The following UNC13C variants were observed in gnomAD, a reference collection of about 807,000 sequenced individuals.
The protein encoded by UNC13C is protein unc-13 homolog C.
In UNC13C, 174 loss-of-function variants were observed where a neutral mutation model predicts 245.4. The ratio of observed to expected loss-of-function variants is 0.71; its 90% confidence interval spans 0.63 to 0.80. The LOEUF (loss-of-function observed/expected upper bound fraction) is 0.80, where lower values mean the gene tolerates loss of function less well. UNC13C is among the 30% of genes least tolerant of loss of function. UNC13C has a pLI of 0.00. For missense variants in UNC13C, 2,829 were observed against 2,602.9 expected (o/e 1.09, Z -1.89); for synonymous variants, 992 against 895.1 (o/e 1.11, Z -1.93).
chr15:54,292,271 A>G lies in UNC13C; in HGVS notation c.3819-1624A>G, dbSNP rs541323663. Among the ~76,000 whole-genome samples the G allele has an allele frequency of 3.9e-5, 6 of 152,094 alleles. No homozygotes were observed. In the East Asian group the frequency reaches 9.7e-4, roughly 24 times the overall value. On this transcript the variant is annotated intron_variant, in intron 10 of 32. Coordinates refer to ENST00000260323, the MANE Select transcript of UNC13C (RefSeq NM_001080534.3). ...ACATCCTGAGCTAAGGTAATCATCA[A>G]TGAGTTAAGAAATTTCCTTAATGCC...
the UNC13C span, among the ~76,000 whole-genome samples, chr15:53,868,124 C>T: frequency 2.0e-5 from 3 of 152,162 alleles, no homozygotes; most frequent in Non-Finnish European, 4.4e-5. Flanking sequence ...CATAAGCCAC[C>T]ATTCCTGGCC....
intron 4 of UNC13C, among the ~76,000 whole-genome samples, chr15:54,223,836 T>G (rs1166177006): frequency 6.6e-6 from 1 of 152,062 alleles, no homozygotes; most frequent in Non-Finnish European, 1.5e-5. Context: ...GTAGTTTTCA[T>G]TATAAAGATC....
chr15:54,519,423 T>C (rs1895122028), intron 24 of UNC13C, among the ~76,000 whole-genome samples: 1 of 152,186 alleles, frequency 6.6e-6, no homozygotes, highest in Non-Finnish European at 1.5e-5. Context: ...TTGTCTAGAC[T>C]GAAGAACCTC....
chr15:53,843,575 G>C, the UNC13C span, among the ~76,000 whole-genome samples: 1 of 152,102 alleles, frequency 6.6e-6, no homozygotes, highest in East Asian at 1.9e-4. Context: ...TGTTCAAGGA[G>C]GGACCAGTGG....
At chr15:53,858,017 T>C in the UNC13C span, among the ~76,000 whole-genome samples, 14 of 152,236 alleles carry the variant, frequency 9.2e-5, no homozygotes, top group African/African-American at 3.4e-4. Context: ...ATTTGGAACA[T>C]GTTATTAAAA....
intron 17 of UNC13C, among the ~76,000 whole-genome samples, chr15:54,356,698 A>G (rs138962470): frequency 4.7e-4 from 72 of 152,296 alleles, no homozygotes; most frequent in African/African-American, 1.2e-3. Context: ...CCAACTATTA[A>G]TCCTATCACA....
the UNC13C span, among the ~76,000 whole-genome samples, chr15:53,922,750 A>G: frequency 6.6e-6 from 1 of 152,220 alleles, no homozygotes; most frequent in Non-Finnish European, 1.5e-5. Context: ...AAACAATGGG[A>G]TGTCAGAAAC....
chr15:54,065,054 T>C (rs1305394803), intron 2 of UNC13C, among the ~76,000 whole-genome samples: 1 of 152,234 alleles, frequency 6.6e-6, no homozygotes, highest in Non-Finnish European at 1.5e-5. Flanking sequence ...AGCCAATATC[T>C]AGATCTCCAA....
the UNC13C span, among the ~76,000 whole-genome samples, chr15:53,943,020 A>C: frequency 6.6e-6 from 1 of 152,350 alleles, no homozygotes; most frequent in Non-Finnish European, 1.5e-5. Context: ...CACTAAGAAC[A>C]GAAACATGTT....
chr15:54,031,372 C>T (rs375696427), intron 2 of UNC13C, among the ~76,000 whole-genome samples: 5 of 152,128 alleles, frequency 3.3e-5, no homozygotes, highest in South Asian at 2.1e-4. Flanking sequence ...TACAGGCAGC[C>T]GCCACCGCGC....
In UNC13C at chr15:54,133,589, C is replaced by T. The variant is rs180904926; in HGVS notation, c.2984-9429C>T. 2.8e-4 allele frequency among the ~76,000 whole-genome samples: 43 copies of T among 152,208 alleles called. 1 individual carries two copies. The highest frequency in any genetic ancestry group is 1.0e-3 in the African/African-American group (43 of 41,546). ...TAAATTGCTGAGCTGCAAAATGAACCTGTTGTGAGATGATATGTGCCTTCT... is the reference window on the plus strand; with the variant it reads ...TAAATTGCTGAGCTGCAAAATGAACTTGTTGTGAGATGATATGTGCCTTCT... On this transcript the variant is annotated intron_variant, in intron 2 of 32. Coordinates refer to ENST00000260323, the MANE Select transcript of UNC13C (RefSeq NM_001080534.3).
chr15:54,238,998 C>A (rs2035781273), intron 7 of UNC13C, among the ~76,000 whole-genome samples: 1 of 152,174 alleles, frequency 6.6e-6, no homozygotes, highest in Admixed American at 6.5e-5. Flanking sequence ...TGGTGCCTGG[C>A]ATGTTCTGTT....
chr15:54,584,424 T>G lies in UNC13C; in HGVS notation c.6106+16477T>G, dbSNP rs535380677. ...GAATTCTTTAGCCGAAAAGGCAAGGTAACTTGATAGAGCATCCCCCTTTGT... is the reference window on the plus strand; with the variant it reads ...GAATTCTTTAGCCGAAAAGGCAAGGGAACTTGATAGAGCATCCCCCTTTGT... On this transcript the variant is annotated intron_variant, in intron 30 of 32. Transcript: ENST00000260323. Among the ~76,000 whole-genome samples the G allele has an allele frequency of 3.6e-4, 55 of 152,322 alleles. 2 individuals are homozygous for G. The highest frequency in any genetic ancestry group is 3.2e-3 in the Admixed American group (49 of 15,300).
chr15:53,973,108 A>T, the UNC13C span, among the ~76,000 whole-genome samples: 5 of 152,282 alleles, frequency 3.3e-5, no homozygotes, highest in Admixed American at 1.3e-4. Flanking sequence ...GCTCAGGGAG[A>T]TTACATAAAT....
intron 17 of UNC13C, among the ~76,000 whole-genome samples, chr15:54,385,374 G>T (rs1386083920): frequency 6.6e-6 from 1 of 150,912 alleles, no homozygotes; most frequent in Non-Finnish European, 1.5e-5. Flanking sequence ...TAAAAATAAT[G>T]AAATCATGTC....
At chr15:54,353,275 C>T (rs1425900071) in intron 17 of UNC13C, among the ~76,000 whole-genome samples, 4 of 151,916 alleles carry the variant, frequency 2.6e-5, no homozygotes, top group African/African-American at 9.7e-5. Flanking sequence ...AAATATAATG[C>T]AGTATTAAAA....
chr15:54,340,179 T>C (rs904230249), intron 17 of UNC13C, among the ~76,000 whole-genome samples: 4 of 152,232 alleles, frequency 2.6e-5, no homozygotes, highest in Non-Finnish European at 4.4e-5. Flanking sequence ...AGATTCTGGA[T>C]ATTAGTCCTC....
At chr15:54,468,593 A>T (rs1892299826) in intron 19 of UNC13C, among the ~76,000 whole-genome samples, 1 of 151,544 alleles carries the variant, frequency 6.6e-6, no homozygotes, top group African/African-American at 2.4e-5. Context: ...CTTACTTTTA[A>T]GTCTTTAATC....
chr15:53,961,427 G>A, the UNC13C span, among the ~76,000 whole-genome samples: 1 of 152,244 alleles, frequency 6.6e-6, no homozygotes, highest in Admixed American at 6.5e-5. Context: ...TTGTCTTCAT[G>A]AGGAGGGATG....
Sources: allele counts gnomAD v4.1 joint callset (sites outside exome capture counted in the v4.1 genomes callset), GRCh38; gene constraint gnomAD v4.1.1; transcripts MANE v1.5; gene names NCBI Gene and HGNC (gene_info 2026-07-23, HGNC 2026-07-21).